Variants in SV2C observed in about 807,000 individuals in gnomAD.
The protein encoded by SV2C is solute carrier family 22 member B3.
A neutral mutation model predicts 79.7 loss-of-function variants in SV2C; 49 were observed. The ratio of observed to expected loss-of-function variants is 0.61; its 90% CI spans 0.49 to 0.78. The LOEUF (loss-of-function observed/expected upper bound fraction) is 0.78. SV2C is among the 30% of genes least tolerant of loss of function. SV2C has a pLI of 0.00. For missense variants in SV2C, 833 were observed against 912.9 expected, an observed-to-expected ratio of 0.91 and a Z score of 1.13; for synonymous variants, 334 against 333.2, an observed-to-expected ratio of 1.00 and a Z score of -0.03.
chr5:75,909,628 A>G, the SV2C span, among the ~76,000 whole-genome samples: 2,369 of 152,338 alleles, frequency 0.016, 57 homozygotes, highest in African/African-American at 0.052. Context: ...ATTTTCCATT[A>G]AACTGCTGTT....
the SV2C span, among the ~76,000 whole-genome samples, chr5:75,899,306 C>G: frequency 6.6e-6 from 1 of 152,182 alleles, no homozygotes; most frequent in Non-Finnish European, 1.5e-5. Flanking sequence ...ATCTTTATTT[C>G]TGCCTTCATT....
At chr5:75,982,572 A>G in the SV2C span, among the ~76,000 whole-genome samples, 2 of 152,230 alleles carry the variant, frequency 1.3e-5, no homozygotes, top group African/African-American at 4.8e-5. Flanking sequence ...TCAAAGATCT[A>G]AAGACAGAAA....
intron 4 of SV2C, among the ~76,000 whole-genome samples, chr5:76,246,875 A>C (rs1006884477): frequency 6.6e-6 from 1 of 152,122 alleles, no homozygotes; most frequent in African/African-American, 2.4e-5. Context: ...TCTTGTGTCA[A>C]CTCTAAAGTG....
chr5:76,048,965 G>GAGAAAA, the SV2C span, among the ~76,000 whole-genome samples: 2 of 58,164 alleles, frequency 3.4e-5, no homozygotes, highest in Non-Finnish European at 6.3e-5. Context: ...GAAAGAAAAA[G>GAGAAAA]AGAAAGAAAG....
At chr5:76,027,642 T>G in the SV2C span, among the ~76,000 whole-genome samples, 1 of 152,232 alleles carries the variant, frequency 6.6e-6, no homozygotes. Flanking sequence ...AATCAGTCTT[T>G]TCTACTAATT....
chr5:75,970,094 A>G, the SV2C span, among the ~76,000 whole-genome samples: 2 of 152,170 alleles, frequency 1.3e-5, no homozygotes, highest in South Asian at 2.1e-4. Flanking sequence ...AACAAAATGA[A>G]GGCAGAAATA....
At chr5:76,233,774 A>T (rs1203990425) in intron 4 of SV2C, among the ~76,000 whole-genome samples, 1 of 148,904 alleles carries the variant, frequency 6.7e-6, no homozygotes, top group South Asian at 2.1e-4. Flanking sequence ...CCAGCCTTGC[A>T]TCCCAGGGAT....
chr5:75,934,849 T>C, the SV2C span, among the ~76,000 whole-genome samples: 1 of 151,684 alleles, frequency 6.6e-6, no homozygotes, highest in African/African-American at 2.4e-5. Context: ...ATATTGATGC[T>C]GATATCATGG....
intron 4 of SV2C, among the ~76,000 whole-genome samples, chr5:76,244,120 T>C (rs915189790): frequency 1.3e-5 from 2 of 152,210 alleles, no homozygotes; most frequent in African/African-American, 2.4e-5. Context: ...ATATGGCATC[T>C]TCAGTTAGAA....
chr5:76,186,182 C>A (rs1379637526), intron 2 of SV2C, among the ~76,000 whole-genome samples: 2 of 152,312 alleles, frequency 1.3e-5, no homozygotes, highest in East Asian at 3.9e-4. Flanking sequence ...CAAAGCCATT[C>A]AACAAGTCTC....
At position 76,174,033 on chromosome 5, in the gene SV2C, A is replaced by G. The variant is rs752912634; in HGVS notation, c.581-20886A>G. Reference sequence around the variant, plus strand: ...GCAGTATCCAAGATTTCAAGCATACACTGTTGTGCATCTACTTCAACTTGC... The same window carrying G: ...GCAGTATCCAAGATTTCAAGCATACGCTGTTGTGCATCTACTTCAACTTGC... On this transcript the variant is annotated intron_variant, in intron 2 of 12. Coordinates refer to ENST00000502798, the MANE Select transcript of SV2C (RefSeq NM_014979.4). 8.3e-6 allele frequency: 13 copies of G among 1,566,996 alleles called. 1 individual carries two copies. In the South Asian group the frequency reaches 1.4e-4, roughly 17 times the overall value.
At chr5:76,149,731 T>TA (rs780808411) in intron 2 of SV2C, among the ~76,000 whole-genome samples, 1 of 152,210 alleles carries the variant, frequency 6.6e-6, no homozygotes, top group Non-Finnish European at 1.5e-5. Context: ...TTTCCTCCAC[T>TA]AAGTGGATAT....
the SV2C span, among the ~76,000 whole-genome samples, chr5:76,056,624 C>CTTTTTTTTTT: frequency 1.1e-4 from 7 of 65,698 alleles, no homozygotes; most frequent in Non-Finnish European, 1.4e-4. Context: ...CCTGGGCTTT[C>CTTTTTTTTTT]TTTTTTTTTT....
chr5:76,320,786 T>TCTTG (rs1248318280), intron 12 of SV2C, among the ~76,000 whole-genome samples: 2 of 152,186 alleles, frequency 1.3e-5, no homozygotes, highest in Non-Finnish European at 2.9e-5. Context: ...ATTACTAGTC[T>TCTTG]CTTGCTTTAA....
At chr5:76,129,427 T>C (rs2112180276) in intron 1 of SV2C, among the ~76,000 whole-genome samples, 1 of 152,342 alleles carries the variant, frequency 6.6e-6, no homozygotes, top group South Asian at 2.1e-4. Flanking sequence ...CTTTGTTTTG[T>C]CCTGGAATTA....
In SV2C at chr5:76,331,446, C is replaced by T. The variant is rs552669017; in HGVS notation, c.*5899C>T. 3 of 152,370 alleles carry T rather than the reference C, an allele frequency of 2.0e-5. No individual in the cohort carries two copies. Among genetic ancestry groups the T allele is most frequent in the Middle Eastern group, 3.4e-3 (1 of 296 alleles). The allele number at this position is 152,370 out of a possible 1,614,324, so 9.4% of individuals were successfully genotyped here. ...GAAAACAGGTTCTGACAGCCAGTAG[C>T]AGGGGTATTTTGGGTTTCAGTTTAA... is the stretch of plus-strand genomic sequence containing the variant. On this transcript the variant is annotated 3_prime_UTR_variant, in exon 13 of 13. Transcript: ENST00000502798.
chr5:76,150,237 G>C (rs4296783), intron 2 of SV2C, among the ~76,000 whole-genome samples: 62,297 of 148,668 alleles, frequency 0.42, 13,443 homozygotes, highest in Middle Eastern at 0.51. Context: ...TGCTCTGTCT[G>C]CAGGCTGGTG....
chr5:76,245,746 C>T (rs539119799), intron 4 of SV2C, among the ~76,000 whole-genome samples: 12 of 152,096 alleles, frequency 7.9e-5, no homozygotes, highest in African/African-American at 2.7e-4. Context: ...TGGGGCATTT[C>T]GTGTGATTTA....
chr5:76,119,263 G>A (rs758052765), intron 1 of SV2C, among the ~76,000 whole-genome samples: 1 of 152,220 alleles, frequency 6.6e-6, no homozygotes, highest in Non-Finnish European at 1.5e-5. Context: ...CAAGATGGTG[G>A]CTGAAGCACA....
Sources: gnomAD v4.1 joint callset for allele counts (sites outside exome capture counted in the v4.1 genomes callset) on GRCh38, gnomAD v4.1.1 for gene constraint, MANE v1.5 for transcripts, NCBI Gene and HGNC (gene_info 2026-07-23, HGNC 2026-07-21) for gene names.